The following GAREM1 variants were observed in gnomAD, a reference collection of about 807,000 sequenced individuals.
The protein encoded by GAREM1 is GRB2-associated and regulator of MAPK protein 1.
A neutral mutation model predicts 71.3 loss-of-function variants in GAREM1; 26 were observed. The observed-to-expected ratio is 0.36, with a 90% CI of 0.27 to 0.51. GAREM1 has a LOEUF of 0.51. Among genes scored for constraint, GAREM1 ranks in the 20% least tolerant of loss-of-function variants. The pLI, the probability that GAREM1 is intolerant of heterozygous loss-of-function variation, is 0.95. For missense variants in GAREM1, 1,026 were observed against 1,103.1 expected, an observed-to-expected ratio of 0.93 and a Z score of 0.99; for synonymous variants, 440 against 433.2, an observed-to-expected ratio of 1.02 and a Z score of -0.20.
intron 2 of GAREM1, among the ~76,000 whole-genome samples, chr18:32,318,710 C>A (rs559938865): frequency 1.3e-5 from 2 of 152,242 alleles, no homozygotes; most frequent in East Asian, 3.9e-4. Context: ...TTACTGTCTG[C>A]CATCCCTTCA....
At chr18:32,413,021 C>G in intron 1 of GAREM1, 11 of 1,600,328 alleles carry the variant, frequency 6.9e-6, no homozygotes, top group Non-Finnish European at 7.7e-6. Context: ...CCCTGGAGCG[C>G]TTGGTGTTTG....
chr18:32,401,375 G>C (rs1048197240), intron 1 of GAREM1, among the ~76,000 whole-genome samples: 8 of 151,500 alleles, frequency 5.3e-5, no homozygotes, highest in Non-Finnish European at 2.9e-5. Flanking sequence ...GAAATAAAAA[G>C]AAGACAGATG....
At chr18:32,277,934 T>C (rs1390929267) in intron 4 of GAREM1, among the ~76,000 whole-genome samples, 1 of 152,210 alleles carries the variant, frequency 6.6e-6, no homozygotes, top group Non-Finnish European at 1.5e-5. Flanking sequence ...ATCTATGAAA[T>C]AATTTCTTTC....
intron 2 of GAREM1, among the ~76,000 whole-genome samples, chr18:32,325,350 C>T (rs1297521280): frequency 6.6e-6 from 1 of 152,098 alleles, no homozygotes; most frequent in Non-Finnish European, 1.5e-5. Context: ...CAAGAGTGAA[C>T]CCTAATGTAA....
At chr18:32,387,929 C>T (rs2048163732) in intron 2 of GAREM1, among the ~76,000 whole-genome samples, 1 of 152,194 alleles carries the variant, frequency 6.6e-6, no homozygotes, top group Non-Finnish European at 1.5e-5. Context: ...TGGCCTATGG[C>T]TGCCCAGGCT....
intron 2 of GAREM1, among the ~76,000 whole-genome samples, chr18:32,375,633 T>C (rs1244972915): frequency 6.6e-6 from 1 of 152,188 alleles, no homozygotes; most frequent in Non-Finnish European, 1.5e-5. Flanking sequence ...GTTGGTCCTA[T>C]ATGCAGCCAA....
chr18:32,291,092 T>C (rs2047078974), intron 3 of GAREM1, among the ~76,000 whole-genome samples: 1 of 152,116 alleles, frequency 6.6e-6, no homozygotes, highest in Admixed American at 6.5e-5. Flanking sequence ...TCTAAATGCT[T>C]AAATATAGGA....
At chr18:32,391,017 T>C (rs2144656549) in intron 2 of GAREM1, among the ~76,000 whole-genome samples, 1 of 152,284 alleles carries the variant, frequency 6.6e-6, no homozygotes, top group South Asian at 2.1e-4. Flanking sequence ...TTTTTAGAAT[T>C]GGTATAACTT....
chr18:32,413,230 C>G (rs2048437681), intron 1 of GAREM1: 1 of 1,598,612 alleles, frequency 6.3e-7, no homozygotes. Context: ...CGTCCACGGG[C>G]AGAAAGGCCA....
In GAREM1 at chr18:32,287,746, C is replaced by A; in HGVS notation, c.851G>T (p.Cys284Phe). The A allele has an allele frequency of 6.2e-7, 1 of 1,613,786 alleles. No individual in the cohort carries two copies. Among genetic ancestry groups the A allele is most frequent in the Non-Finnish European group, 8.5e-7 (1 of 1,180,006 alleles). Reference protein sequence around the residue: ...VNIQTKTVVVCCVLRNNKILP... With the variant: ...VNIQTKTVVVFCVLRNNKILP... ...GATCTTGTTGTTCCGCAGCACACAG[C>A]AAACCACCACCGTCTTGGTCTGGAT... is the stretch of plus-strand genomic sequence containing the variant. Residue 284 changes from cysteine (C) to phenylalanine (F), a missense_variant, in exon 4 of 6, where the codon TGC (cysteine) becomes TTC (phenylalanine). Transcript: ENST00000269209. The surrounding 1 kb of genome is among the most constrained non-coding windows in gnomAD (Gnocchi z 5.9).
intron 1 of GAREM1, among the ~76,000 whole-genome samples, chr18:32,413,411 T>TA (rs2048438989): frequency 6.6e-6 from 1 of 152,244 alleles, no homozygotes; most frequent in Admixed American, 6.5e-5. Context: ...TATCAATATA[T>TA]AAAACCACTG....
intron 1 of GAREM1, among the ~76,000 whole-genome samples, chr18:32,395,668 TTTACA>T (rs1250257505): frequency 6.6e-6 from 1 of 152,140 alleles, no homozygotes; most frequent in Non-Finnish European, 1.5e-5. Context: ...CATATGTAAT[TTTACA>T]TTAGAGAAGC....
rs2049042469 is a variant in GAREM1, at chr18:32,470,433, C to A, written c.-5G>T. ...CAGCGAGGGCGCCGGGTCCATCTTC[C>A]CCGAAGCCTCCTGTCCCGCGCTCCC... On this transcript the variant is annotated 5_prime_UTR_variant, in exon 1 of 6. Coordinates refer to ENST00000269209, the MANE Select transcript of GAREM1 (RefSeq NM_001242409.2). This position sits in a 1 kb window ranked among gnomAD's most constrained non-coding sequence, Gnocchi z 4.4. 2 of 1,490,496 alleles carry A rather than the reference C, an allele frequency of 1.3e-6. No individual in the cohort carries two copies. Among genetic ancestry groups the A allele is most frequent in the East Asian group, 2.8e-5 (1 of 35,764 alleles). The allele number at this position is 1,490,496 out of a possible 1,614,324, so 92.3% of individuals were successfully genotyped here.
chr18:32,339,271 G>T (rs2047626634), intron 2 of GAREM1, among the ~76,000 whole-genome samples: 1 of 152,058 alleles, frequency 6.6e-6, no homozygotes, highest in African/African-American at 2.4e-5. Context: ...CACTTCCCTT[G>T]CTGATATGAA....
chr18:32,286,893 T>C (rs964735108), intron 4 of GAREM1, 138 bp downstream of exon 4: 1 of 647,926 alleles, frequency 1.5e-6, no homozygotes, highest in East Asian at 2.7e-5. Context: ...CAAGCTAGCA[T>C]GTGTATCTCA....
intron 2 of GAREM1, among the ~76,000 whole-genome samples, chr18:32,354,187 A>G (rs2047783096): frequency 6.6e-6 from 1 of 152,194 alleles, no homozygotes; most frequent in South Asian, 2.1e-4. Flanking sequence ...ACGCAAAACA[A>G]AATTAGGAAA....
At chr18:32,433,115 A>G (rs914614314) in intron 1 of GAREM1, among the ~76,000 whole-genome samples, 1 of 151,940 alleles carries the variant, frequency 6.6e-6, no homozygotes, top group African/African-American at 2.4e-5. Context: ...AAATGGTTCA[A>G]TTGAAAATCG....
intron 2 of GAREM1, among the ~76,000 whole-genome samples, chr18:32,322,408 A>T (rs773592331): frequency 3.9e-5 from 6 of 152,170 alleles, no homozygotes; most frequent in Non-Finnish European, 7.3e-5. Flanking sequence ...CACCATCTGG[A>T]ATACCTTTCC....
chr18:32,393,154 G>C, intron 1 of GAREM1, 119 bp from the exon 2 acceptor site: 1 of 856,654 alleles, frequency 1.2e-6, no homozygotes, highest in Non-Finnish European at 1.7e-6. Flanking sequence ...TTCATCCCAA[G>C]ATGAGATAAA....
Sources: gnomAD v4.1 joint callset for allele counts (sites outside exome capture counted in the v4.1 genomes callset) on GRCh38, gnomAD v4.1.1 for gene constraint, Gnocchi (gnomAD v3.1) non-coding constraint, MANE v1.5 for transcripts, NCBI Gene and HGNC (gene_info 2026-07-23, HGNC 2026-07-21) for gene names.